MSI2: variants seen among roughly 807,000 people sequenced by gnomAD.
MSI2 encodes musashi RNA binding protein 2.
In MSI2, 17 loss-of-function variants were observed where a neutral mutation model predicts 45.6. That is an observed-to-expected ratio of 0.37 (90% CI 0.26 to 0.56). The LOEUF (loss-of-function observed/expected upper bound fraction) is 0.56. Among genes scored for constraint, MSI2 ranks in the 20% least tolerant of loss-of-function variants. MSI2 has a pLI of 0.77. For missense variants in MSI2, 293 were observed against 444.2 expected, an observed-to-expected ratio of 0.66 and a Z score of 3.06; for synonymous variants, 156 against 158.2, an observed-to-expected ratio of 0.99 and a Z score of 0.11.
intron 5 of MSI2, among the ~76,000 whole-genome samples, chr17:57,328,969 TAAGA>T (rs1914044183): frequency 6.6e-6 from 1 of 152,148 alleles, no homozygotes; most frequent in Admixed American, 6.5e-5. Context: ...TGTGAATGAT[TAAGA>T]AAGTAGATCT....
intron 6 of MSI2, among the ~76,000 whole-genome samples, chr17:57,510,850 T>G (rs11079307): frequency 6.6e-6 from 1 of 152,122 alleles, no homozygotes; most frequent in African/African-American, 2.4e-5. Context: ...TTCTCTGGCT[T>G]TAGTCCATGG....
intron 5 of MSI2, among the ~76,000 whole-genome samples, chr17:57,304,492 G>A (rs1396419127): frequency 5.5e-5 from 8 of 145,400 alleles, no homozygotes; most frequent in Non-Finnish European, 7.5e-5. Context: ...GTGTGCTCTC[G>A]GCTCACTGCA....
chr17:57,292,297 G>A (rs1219897154), intron 5 of MSI2, among the ~76,000 whole-genome samples: 1 of 152,130 alleles, frequency 6.6e-6, no homozygotes, highest in Non-Finnish European at 1.5e-5. Flanking sequence ...TTAGGAGCCA[G>A]GGCATCATCA....
chr17:57,615,870 C>A, intron 8 of MSI2, 100 bp from the exon 9 acceptor site: 1 of 896,354 alleles, frequency 1.1e-6, no homozygotes, highest in Non-Finnish European at 1.8e-6. Flanking sequence ...GGGTAAGGAG[C>A]AAGGCTAAAA....
intron 7 of MSI2, among the ~76,000 whole-genome samples, chr17:57,548,898 T>TCCCCCCCCCCCCCCCCCCCCCCCCCC (rs758120237): frequency 2.5e-5 from 3 of 121,296 alleles, no homozygotes; most frequent in South Asian, 2.8e-4. Context: ...TGTTTACCCT[T>TCCCCCCCCCCCCCCCCCCCCCCCCCC]CCCCCCCCCA....
chr17:57,454,938 C>T (rs1429232139), intron 6 of MSI2, among the ~76,000 whole-genome samples: 1 of 152,198 alleles, frequency 6.6e-6, no homozygotes, highest in Admixed American at 6.5e-5. Context: ...GCATACCAGC[C>T]CTGCCTGCTG....
chr17:57,632,139 C>T lies in MSI2; in HGVS notation c.727+4836C>T, dbSNP rs1294228515. The T allele has an allele frequency of 5.8e-5, 70 of 1,214,970 alleles. 1 individual carries two copies. The highest frequency in any genetic ancestry group is 7.1e-5 in the Non-Finnish European group (69 of 975,802). 75.3% of individuals were successfully genotyped at this position (1,214,970 alleles called of 1,614,324 possible). A position where few individuals can be genotyped will look rare whatever the true frequency, so the allele number is the denominator to read the frequency against. Reference sequence around the variant, plus strand: ...CTTCTCACAAACTTCGTAGAGCCTCCTCAGGGGAAGCTAGGAAGAAGACAT... The same window carrying T: ...CTTCTCACAAACTTCGTAGAGCCTCTTCAGGGGAAGCTAGGAAGAAGACAT... On this transcript the variant is annotated intron_variant, in intron 10 of 13. Transcript: ENST00000284073.
At chr17:57,395,952 A>G (rs2083880797) in intron 5 of MSI2, among the ~76,000 whole-genome samples, 1 of 152,178 alleles carries the variant, frequency 6.6e-6, no homozygotes, top group Admixed American at 6.5e-5. Flanking sequence ...GATGAACTAG[A>G]AGGTTTGCAG....
chr17:57,658,909 C>T (rs997230915), intron 11 of MSI2, among the ~76,000 whole-genome samples: 18 of 152,200 alleles, frequency 1.2e-4, no homozygotes, highest in African/African-American at 4.3e-4. Context: ...AGACCCGCTC[C>T]TTGCACCCTG....
At chr17:57,435,618 G>A (rs997330794) in intron 6 of MSI2, among the ~76,000 whole-genome samples, 7 of 152,112 alleles carry the variant, frequency 4.6e-5, no homozygotes, top group Non-Finnish European at 8.8e-5. Context: ...TGAGCTACTC[G>A]TGCACTTAAA....
intron 1 of MSI2, 29 bp downstream of exon 1, chr17:57,256,833 C>T: frequency 1.4e-6 from 2 of 1,436,186 alleles, no homozygotes; most frequent in African/African-American, 1.5e-5. Flanking sequence ...CCCACCGCGC[C>T]GCCTTGGGCT....
chr17:57,269,680 G>A (rs563851119), intron 5 of MSI2, among the ~76,000 whole-genome samples: 1 of 152,224 alleles, frequency 6.6e-6, no homozygotes. Context: ...CTTTGTCCTT[G>A]TTTAAGCCGT....
intron 5 of MSI2, among the ~76,000 whole-genome samples, chr17:57,309,981 G>A (rs1424029823): frequency 6.6e-6 from 1 of 152,234 alleles, no homozygotes; most frequent in Admixed American, 6.5e-5. Context: ...GGGTGCAGGG[G>A]CTGGGGAGTA....
intron 6 of MSI2, among the ~76,000 whole-genome samples, chr17:57,517,389 C>T (rs1294524457): frequency 2.4e-4 from 37 of 152,166 alleles, no homozygotes; most frequent in Non-Finnish European, 1.5e-5. Flanking sequence ...AGAATTCTGC[C>T]TTGTGCCAGA....
intron 7 of MSI2, among the ~76,000 whole-genome samples, chr17:57,554,372 A>G (rs2087382334): frequency 6.6e-6 from 1 of 152,118 alleles, no homozygotes; most frequent in Non-Finnish European, 1.5e-5. Flanking sequence ...TCCATCAAGT[A>G]GAAGGAACAG....
At chr17:57,504,288 G>GC (rs911156659) in intron 6 of MSI2, among the ~76,000 whole-genome samples, 3 of 152,266 alleles carry the variant, frequency 2.0e-5, no homozygotes, top group South Asian at 2.1e-4. Flanking sequence ...TCACAAGGCA[G>GC]CCCCCCGGGA....
chr17:57,691,691 C>A, the MSI2 span, among the ~76,000 whole-genome samples: 1 of 152,114 alleles, frequency 6.6e-6, no homozygotes, highest in African/African-American at 2.4e-5. Flanking sequence ...TGTATTTTGA[C>A]CTTCAGCCTT....
intron 9 of MSI2, among the ~76,000 whole-genome samples, chr17:57,622,577 G>C (rs1186051087): frequency 2.0e-5 from 3 of 152,048 alleles, no homozygotes; most frequent in Non-Finnish European, 2.9e-5. Flanking sequence ...AGCATTCTTA[G>C]GTGCAGTCGT....
intron 5 of MSI2, among the ~76,000 whole-genome samples, chr17:57,293,397 C>A (rs1269210579): frequency 6.6e-6 from 1 of 152,154 alleles, no homozygotes; most frequent in South Asian, 2.1e-4. Context: ...CTGCTCTGAA[C>A]GCCTGAGCAC....
Sources: gnomAD v4.1 joint callset for allele counts (sites outside exome capture counted in the v4.1 genomes callset) on GRCh38, gnomAD v4.1.1 for gene constraint, MANE v1.5 for transcripts, NCBI Gene and HGNC (gene_info 2026-07-23, HGNC 2026-07-21) for gene names.